The following ASIC2 variants were observed in gnomAD, a reference collection of about 807,000 sequenced individuals.
ASIC2 encodes the protein acid sensing ion channel subunit 2.
ASIC2 carries 25 observed loss-of-function variants against 57.3 expected under a neutral mutation model. That is an observed-to-expected ratio of 0.44 (90% confidence interval 0.32 to 0.61). The LOEUF (loss-of-function observed/expected upper bound fraction) is 0.61. Ranked by LOEUF, ASIC2 falls within the 20% of genes least tolerant of loss-of-function variation. The pLI is 0.06. For missense variants in ASIC2, 641 were observed against 738.1 expected, an observed-to-expected ratio of 0.87 and a Z score of 1.52; for synonymous variants, 319 against 307.5, an observed-to-expected ratio of 1.04 and a Z score of -0.39.
chr17:34,011,744 T>C (rs1906772736), intron 1 of ASIC2, among the ~76,000 whole-genome samples: 1 of 152,154 alleles, frequency 6.6e-6, no homozygotes, highest in Admixed American at 6.5e-5. Flanking sequence ...TTAGTCCTCA[T>C]ATTACCAGAC....
intron 1 of ASIC2, among the ~76,000 whole-genome samples, chr17:33,617,275 TGAAAAA>T (rs1191825689): frequency 4.6e-5 from 7 of 152,014 alleles, no homozygotes; most frequent in African/African-American, 9.7e-5. Flanking sequence ...TGCCCATCAG[TGAAAAA>T]ATGTGGTACA....
chr17:33,829,273 A>G (rs1410641246), intron 1 of ASIC2, among the ~76,000 whole-genome samples: 3 of 152,244 alleles, frequency 2.0e-5, no homozygotes, highest in African/African-American at 7.2e-5. Flanking sequence ...AGTTAGAGAC[A>G]TAGAAACAGA....
At chr17:33,451,748 T>G (rs1912257963) in intron 1 of ASIC2, among the ~76,000 whole-genome samples, 1 of 152,198 alleles carries the variant, frequency 6.6e-6, no homozygotes, top group African/African-American at 2.4e-5. Flanking sequence ...ATATCCTCAA[T>G]GGTGTATTGG....
chr17:33,080,833 C>T (rs1000726135), intron 3 of ASIC2, among the ~76,000 whole-genome samples: 1 of 152,150 alleles, frequency 6.6e-6, no homozygotes, highest in Non-Finnish European at 1.5e-5. Flanking sequence ...GGCTGATTCA[C>T]GTCCTGGGTG....
At chr17:34,153,874 C>T (rs564392264) in intron 1 of ASIC2, among the ~76,000 whole-genome samples, 43 of 152,282 alleles carry the variant, frequency 2.8e-4, no homozygotes, top group African/African-American at 1.0e-3. Flanking sequence ...ATTTGGGAAA[C>T]ATTACAAAGA....
intron 1 of ASIC2, among the ~76,000 whole-genome samples, chr17:33,468,612 T>C (rs1912937928): frequency 6.6e-6 from 1 of 152,034 alleles, no homozygotes; most frequent in East Asian, 1.9e-4. Context: ...TCACATATTA[T>C]CTCATTTAAT....
intron 1 of ASIC2, among the ~76,000 whole-genome samples, chr17:33,166,611 T>C (rs1345427461): frequency 6.6e-6 from 1 of 152,080 alleles, no homozygotes; most frequent in Non-Finnish European, 1.5e-5. Context: ...AAGGCAAGAC[T>C]CCCTCCCCTA....
chr17:33,309,018 A>C (rs1359521627), intron 1 of ASIC2, among the ~76,000 whole-genome samples: 1 of 152,184 alleles, frequency 6.6e-6, no homozygotes, highest in African/African-American at 2.4e-5. Context: ...GCCACACTGC[A>C]ACTAGGGATA....
intron 1 of ASIC2, chr17:34,002,766 T>C (rs1906387093): frequency 6.6e-6 from 1 of 152,254 alleles, no homozygotes; most frequent in Admixed American, 6.5e-5. Flanking sequence ...GAATTCTCTT[T>C]GTTTAAAAAA....
intron 1 of ASIC2, among the ~76,000 whole-genome samples, chr17:33,907,449 G>T (rs1041857594): frequency 1.3e-5 from 2 of 152,094 alleles, no homozygotes; most frequent in African/African-American, 4.8e-5. Flanking sequence ...CCTCCCATTT[G>T]ACTATCTCTG....
chr17:33,464,513 TTTCTTTCTTTCTTTC>T (rs1912767721), intron 1 of ASIC2, among the ~76,000 whole-genome samples: 1 of 45,178 alleles, frequency 2.2e-5, no homozygotes, highest in African/African-American at 9.8e-5. Flanking sequence ...TCTTTCTTTC[TTTCTTTCTTTCTTTC>T]TTTCTTTCTT....
chr17:33,089,490 T>C (rs2092149335), intron 2 of ASIC2, among the ~76,000 whole-genome samples: 1 of 152,192 alleles, frequency 6.6e-6, no homozygotes, highest in African/African-American at 2.4e-5. Flanking sequence ...ACTTCTGACC[T>C]CCAGAATTTT....
At chr17:33,496,723 T>C (rs1913948175) in intron 1 of ASIC2, among the ~76,000 whole-genome samples, 1 of 143,494 alleles carries the variant, frequency 7.0e-6, no homozygotes, top group Admixed American at 7.2e-5. Flanking sequence ...GTTCAAGCAA[T>C]TCTCATACCT....
rs143393229 is a variant in ASIC2, at chr17:33,019,179, G to T, written c.1442-1495C>A. On this transcript the variant is annotated intron_variant, in intron 7 of 9. Transcript: ENST00000225823. ...TGAGTCTGTAGTGGTATAGTGTGGG[G>T]TATATGCCAGGGTCTGGGGTGTGTG... 4.4e-3 allele frequency among the ~76,000 whole-genome samples: 674 copies of T among 152,220 alleles called. 4 individuals carry two copies. The highest frequency in any genetic ancestry group is 0.017 in the South Asian group (83 of 4,814).
At chr17:33,274,974 C>T (rs1904646339) in intron 1 of ASIC2, among the ~76,000 whole-genome samples, 1 of 152,102 alleles carries the variant, frequency 6.6e-6, no homozygotes, top group African/African-American at 2.4e-5. Context: ...ACAGACACCA[C>T]CCCTCCTCAT....
intron 1 of ASIC2, among the ~76,000 whole-genome samples, chr17:33,747,812 A>G (rs1164540862): frequency 6.6e-6 from 1 of 152,150 alleles, no homozygotes; most frequent in Non-Finnish European, 1.5e-5. Context: ...CAGGGTCCTC[A>G]GGACACTCCC....
intron 1 of ASIC2, among the ~76,000 whole-genome samples, chr17:33,420,747 A>T (rs1456944593): frequency 6.6e-6 from 1 of 152,172 alleles, no homozygotes; most frequent in Non-Finnish European, 1.5e-5. Flanking sequence ...CCCATGGCTG[A>T]CTTCAAGCTA....
At chr17:33,715,938 T>C (rs919106806) in intron 1 of ASIC2, among the ~76,000 whole-genome samples, 3 of 152,116 alleles carry the variant, frequency 2.0e-5, no homozygotes, top group Non-Finnish European at 2.9e-5. Context: ...CACAAACTCC[T>C]CTAATCACAC....
At chr17:33,514,537 A>G (rs1038156673) in intron 1 of ASIC2, among the ~76,000 whole-genome samples, 8 of 152,214 alleles carry the variant, frequency 5.3e-5, no homozygotes, top group Non-Finnish European at 8.8e-5. Flanking sequence ...AACAAGACAA[A>G]TGGACTCCTA....
Sources: allele counts gnomAD v4.1 joint callset (sites outside exome capture counted in the v4.1 genomes callset), GRCh38; gene constraint gnomAD v4.1.1; transcripts MANE v1.5; gene names NCBI Gene and HGNC (gene_info 2026-07-23, HGNC 2026-07-21).